The following PRPF4 variants were observed in gnomAD, a reference collection of about 807,000 sequenced individuals.
PRPF4 encodes the protein U4/U6 small nuclear ribonucleoprotein Prp4.
A neutral mutation model predicts 72.2 loss-of-function variants in PRPF4; 14 were observed. The ratio of observed to expected loss-of-function variants is 0.19; its 90% CI spans 0.13 to 0.30. The LOEUF (loss-of-function observed/expected upper bound fraction) is 0.30. Among genes scored for constraint, PRPF4 ranks in the 10% least tolerant of loss-of-function variants. The pLI is 1.00. For synonymous variants in PRPF4, 225 were observed against 232.2 expected (o/e 0.97, Z 0.28); for missense variants, 478 against 653.9 (o/e 0.73, Z 2.93).
At position 113,286,216 on chromosome 9, in the gene PRPF4, C is replaced by T. The variant is rs371301130; in HGVS notation, c.750-16C>T. On this transcript the variant is annotated splice_polypyrimidine_tract_variant and intron_variant, in intron 7 of 13. Coordinates refer to ENST00000374198, the MANE Select transcript of PRPF4 (RefSeq NM_001244926.2). ...AGACCAACCCTGGCTGAGATGCTTT[C>T]CTTTGTATTTGATAGGAGTGGGCTT... 6.2e-6 allele frequency: 10 copies of T among 1,614,032 alleles called. No homozygotes were observed. In the African/African-American group the frequency reaches 1.1e-4, roughly 17 times the overall value.
rs781468400 is a variant in PRPF4, at chr9:113,286,255, C to G, written c.773C>G (p.Ser258Cys). The G allele has an allele frequency of 6.2e-7, 1 of 1,614,044 alleles. No individual in the cohort carries two copies. ...ACWSGLCKLW[S>C]VPDCNLLHTL... Reference sequence around the variant, plus strand: ...AGGAGTGGGCTTTGCAAGCTCTGGTCTGTTCCTGATTGCAACCTCCTTCAC... The same window carrying G: ...AGGAGTGGGCTTTGCAAGCTCTGGTGTGTTCCTGATTGCAACCTCCTTCAC... The change falls in exon 8 of 14, where the codon TCT becomes TGT. Residue 258 changes from serine to cysteine, a missense_variant. Physicochemically the swap from Ser to Cys is moderately radical, Grantham distance 112 (BLOSUM62 -1). Coordinates refer to ENST00000374198, the MANE Select transcript of PRPF4 (RefSeq NM_001244926.2).
chr9:113,280,108 A>G (rs1191281113), intron 3 of PRPF4, among the ~76,000 whole-genome samples: 3 of 152,150 alleles, frequency 2.0e-5, no homozygotes, highest in South Asian at 4.1e-4. Flanking sequence ...CTCTTTGTTA[A>G]GATCACCAAT....
At chr9:113,288,440 CTTT>C (rs36114176) in intron 10 of PRPF4, among the ~76,000 whole-genome samples, 176 bp downstream of exon 10, 1 of 144,196 alleles carries the variant, frequency 6.9e-6, no homozygotes, top group Admixed American at 6.9e-5. Context: ...GTATATTTGC[CTTT>C]TTTTTTTTTT....
At chr9:113,279,700 A>G (rs1303120744) in intron 3 of PRPF4, among the ~76,000 whole-genome samples, 5 of 152,038 alleles carry the variant, frequency 3.3e-5, no homozygotes, top group African/African-American at 1.2e-4. Flanking sequence ...GTTTTTCTTT[A>G]TAGACTTGGA....
chr9:113,292,578 C>T lies in PRPF4; in HGVS notation c.*918C>T, dbSNP rs1832640150. On this transcript the variant is annotated 3_prime_UTR_variant, in exon 14 of 14. Coordinates refer to ENST00000374198, the MANE Select transcript of PRPF4 (RefSeq NM_001244926.2). ...CAGCATCAGGCAACTCTGAACTGAA[C>T]ATTTGCTTTGTCAGAAAATATCTTT... 6.6e-6 allele frequency: 1 copy of T among 152,204 alleles called. No individual in the cohort carries two copies. The highest frequency in any genetic ancestry group is 2.4e-5 in the African/African-American group (1 of 41,448). 9.4% of individuals were successfully genotyped at this position (152,204 alleles called of 1,614,324 possible).
intron 3 of PRPF4, among the ~76,000 whole-genome samples, chr9:113,282,333 TTGTAGCAG>T (rs1485282932): frequency 1.3e-5 from 2 of 152,108 alleles, no homozygotes; most frequent in African/African-American, 4.8e-5. Context: ...AATTAGCCAG[TTGTAGCAG>T]TGTACATGTA....
chr9:113,278,438 A>G (rs1236967777), intron 2 of PRPF4, among the ~76,000 whole-genome samples: 2 of 152,220 alleles, frequency 1.3e-5, no homozygotes, highest in African/African-American at 4.8e-5. Context: ...TCACACTTGT[A>G]TTTTGGTGTG....
In PRPF4 at chr9:113,276,659, T is replaced by G. The variant is rs1348555932; in HGVS notation, c.139T>G (p.Ser47Ala). ...GAGGGAGCGTCTGGCCAAAGGAGAG[T>G]CTGGGATTTTGGGGAAAGACGGACT... ...KERERLAKGE[S>A]GILGKDGLKA... The change falls in exon 2 of 14, where the codon TCT (serine) becomes GCT (alanine). Residue 47 changes from serine (S) to alanine (A), a missense_variant. Ser to Ala is a moderately conservative substitution (Grantham distance 99). Coordinates refer to ENST00000374198, the MANE Select transcript of PRPF4 (RefSeq NM_001244926.2). The G allele has an allele frequency of 6.2e-7, 1 of 1,613,566 alleles. No homozygotes were observed. The highest frequency in any genetic ancestry group is 8.5e-7 in the Non-Finnish European group (1 of 1,179,942).
intron 7 of PRPF4, among the ~76,000 whole-genome samples, chr9:113,285,501 C>T (rs1316809093): frequency 4.0e-5 from 6 of 150,344 alleles, no homozygotes; most frequent in Non-Finnish European, 7.4e-5. Flanking sequence ...ACCTCAGCCT[C>T]CCAAGTAGCT....
Position 113,292,883 on chromosome 9 carries a change from A to G in PRPF4, c.*1223A>G, listed in dbSNP as rs1832650119. ...TACCCTATAAAGAATTATTTTCTAT[A>G]GTTAAGCATTTTCTGAATCCTAGCC... On this transcript the variant is annotated 3_prime_UTR_variant, in exon 14 of 14. Transcript: ENST00000374198. 1 of 152,216 alleles carries G rather than the reference A, an allele frequency of 6.6e-6. No homozygotes were observed. Among genetic ancestry groups the G allele is most frequent in the African/African-American group, 2.4e-5 (1 of 41,456 alleles). 9.4% of individuals were successfully genotyped at this position (152,216 alleles called of 1,614,324 possible).
At chr9:113,276,489 G>A (rs1056361855) in intron 1 of PRPF4, 59 bp from the exon 2 acceptor site, 5 of 1,582,612 alleles carry the variant, frequency 3.2e-6, no homozygotes, top group African/African-American at 2.7e-5. Flanking sequence ...ATCCTCTGGT[G>A]AAGTCCGGTA....
At chr9:113,286,383 C>T (rs1029425125) in intron 8 of PRPF4, 93 bp downstream of exon 8, 53 of 1,176,082 alleles carry the variant, frequency 4.5e-5, no homozygotes, top group Non-Finnish European at 6.6e-5. Context: ...CCCATACACA[C>T]AGCATTAATC....
At chr9:113,285,603 C>T (rs1291404162) in intron 7 of PRPF4, among the ~76,000 whole-genome samples, 3 of 151,622 alleles carry the variant, frequency 2.0e-5, no homozygotes, top group South Asian at 2.1e-4. Context: ...TGGGCTCGAT[C>T]TCCTGACCTT....
At chr9:113,276,443 A>G (rs1240608887) in intron 1 of PRPF4, 105 bp from the exon 2 acceptor site, 1 of 1,270,356 alleles carries the variant, frequency 7.9e-7, no homozygotes, top group South Asian at 1.2e-5. Context: ...TTTCAATTAC[A>G]GAGGAAACAG....
chr9:113,291,428 T>G, intron 13 of PRPF4, 39 bp from the exon 14 acceptor site: 1 of 1,553,168 alleles, frequency 6.4e-7, no homozygotes, highest in Non-Finnish European at 8.8e-7. Flanking sequence ...TTTTGAATAC[T>G]TGAATTCCTC....
Position 113,284,299 on chromosome 9 carries a change from T to C in PRPF4, c.659T>C (p.Leu220Ser), listed in dbSNP as rs144929926. Residue 220 changes from leucine (L) to serine (S), a missense_variant, in exon 7 of 14, where the codon TTG becomes TCG. By Grantham distance (145) the Leu-to-Ser change is moderately radical (BLOSUM62 -2). Coordinates refer to ENST00000374198, the MANE Select transcript of PRPF4 (RefSeq NM_001244926.2). ...TGTATTTTTTTTCTTTTTAAGTCTT[T>C]GAATAATTTTTGCAGTCAGATTGGG... ...MQELHKSLRS[L>S]NNFCSQIGDD... is the part of the protein sequence containing the mutation. The C allele has an allele frequency of 2.5e-6, 4 of 1,606,332 alleles. No homozygotes were observed. In the Admixed American group the frequency reaches 6.7e-5, roughly 27 times the overall value.
At chr9:113,282,797 T>C in intron 4 of PRPF4, 64 bp downstream of exon 4, 1 of 1,345,110 alleles carries the variant, frequency 7.4e-7, no homozygotes, top group South Asian at 1.3e-5. Context: ...GTCTCTCGTT[T>C]TCTGCTTTCA....
intron 7 of PRPF4, among the ~76,000 whole-genome samples, chr9:113,285,624 C>T (rs1293941113): frequency 3.3e-5 from 5 of 151,416 alleles, no homozygotes; most frequent in Admixed American, 1.3e-4. Flanking sequence ...GTGATCTGCC[C>T]GCCTTGGCCT....
chr9:113,276,842 G>A, intron 2 of PRPF4, 117 bp downstream of exon 2: 2 of 1,178,672 alleles, frequency 1.7e-6, no homozygotes, highest in Non-Finnish European at 2.4e-6. Flanking sequence ...TTTAAACAGA[G>A]TCTCGCTCTG....
Sources: allele counts gnomAD v4.1 joint callset (sites outside exome capture counted in the v4.1 genomes callset), GRCh38; gene constraint gnomAD v4.1.1; transcripts MANE v1.5; gene names NCBI Gene and HGNC (gene_info 2026-07-23, HGNC 2026-07-21).